GDE1: variants seen among roughly 807,000 people sequenced by gnomAD.
GDE1 encodes glycerophosphodiester phosphodiesterase 1.
A neutral mutation model predicts 32.2 loss-of-function variants in GDE1; 24 were observed. The observed-to-expected ratio is 0.75, with a 90% confidence interval of 0.54 to 1.05. GDE1 has a LOEUF of 1.05. Among genes scored for constraint, GDE1 ranks in the 50% least tolerant of loss-of-function variants. The probability of loss-of-function intolerance (pLI) is 0.00; values close to 1 mark genes in which losing one functional copy is unlikely to be tolerated. For missense variants in GDE1, 380 were observed against 415.0 expected (o/e 0.92, Z 0.73); for synonymous variants, 159 against 158.6 (o/e 1.00, Z -0.02).
rs756658093 is a variant in GDE1 at position 19,504,890 on chromosome 16, A to C, written c.839T>G (p.Phe280Cys). The change falls in exon 5 of 6, where the codon TTT (phenylalanine) becomes TGT (cysteine). Residue 280 changes from phenylalanine to cysteine, a missense_variant. Physicochemically the swap from Phe to Cys is radical, Grantham distance 205. Coordinates refer to ENST00000353258, the MANE Select transcript of GDE1 (RefSeq NM_016641.4). The part of the protein sequence containing the change: ...GISAFLMQKD[F>C]VSPAYLKKWS... Reference sequence around the variant, plus strand: ...AAACCTTCCAACTTACGGGGATACAAAATCCTTTTGCATGAGGAAAGCTGA... The same window carrying C: ...AAACCTTCCAACTTACGGGGATACACAATCCTTTTGCATGAGGAAAGCTGA... 2.5e-6 allele frequency: 4 copies of C among 1,607,944 alleles called. No homozygotes were observed. Among genetic ancestry groups the C allele is most frequent in the Non-Finnish European group, 3.4e-6 (4 of 1,175,326 alleles).
chr16:19,516,321 C>T (rs1408162503), intron 2 of GDE1, among the ~76,000 whole-genome samples: 1 of 152,052 alleles, frequency 6.6e-6, no homozygotes, highest in Non-Finnish European at 1.5e-5. Flanking sequence ...AGTTATTTGC[C>T]CTTGAGTAAA....
chr16:19,504,844 T>C, intron 5 of GDE1, 37 bp downstream of exon 5: 1 of 1,304,282 alleles, frequency 7.7e-7, no homozygotes, highest in East Asian at 2.3e-5. Flanking sequence ...GCATTCAGGA[T>C]GTCTGTCTGG....
chr16:19,505,206 C>T, intron 4 of GDE1, 114 bp from the exon 5 acceptor site: 1 of 714,766 alleles, frequency 1.4e-6, no homozygotes. Context: ...TGGTACCCTG[C>T]CCCGGTATCT....
intron 3 of GDE1, among the ~76,000 whole-genome samples, chr16:19,509,490 T>C (rs1969289214): frequency 6.6e-6 from 1 of 152,114 alleles, no homozygotes; most frequent in Non-Finnish European, 1.5e-5. Flanking sequence ...CCCAGGAATT[T>C]ATATTTTAAA....
chr16:19,521,449 G>A, intron 1 of GDE1: 1 of 521,412 alleles, frequency 1.9e-6, no homozygotes, highest in Non-Finnish European at 3.4e-6. Flanking sequence ...GGACACTTTT[G>A]ACCTTGTTCC....
At chr16:19,516,917 G>A in intron 2 of GDE1, 97 bp downstream of exon 2, 1 of 1,063,250 alleles carries the variant, frequency 9.4e-7, no homozygotes, top group Non-Finnish European at 1.4e-6. Context: ...AACAAAACAA[G>A]ACAACTCTCC....
intron 3 of GDE1, 83 bp downstream of exon 3, chr16:19,510,756 C>A (rs1434931411): frequency 2.0e-5 from 12 of 612,468 alleles, no homozygotes; most frequent in Non-Finnish European, 3.1e-5. Flanking sequence ...GAATAAATAA[C>A]AAAATATATG....
chr16:19,509,492 T>C (rs1969289247), intron 3 of GDE1, among the ~76,000 whole-genome samples: 1 of 152,158 alleles, frequency 6.6e-6, no homozygotes, highest in Non-Finnish European at 1.5e-5. Context: ...CAGGAATTTA[T>C]ATTTTAAAAT....
At chr16:19,516,449 C>T (rs1471116622) in intron 2 of GDE1, among the ~76,000 whole-genome samples, 3 of 152,186 alleles carry the variant, frequency 2.0e-5, no homozygotes, top group African/African-American at 4.8e-5. Flanking sequence ...TAAAAATTCA[C>T]TTCCTCGTGT....
chr16:19,521,538 G>T, intron 1 of GDE1, 166 bp downstream of exon 1: 1 of 693,656 alleles, frequency 1.4e-6, no homozygotes, highest in Non-Finnish European at 2.4e-6. Context: ...AAAACCTCAA[G>T]TCCGGAGATC....
chr16:19,518,471 A>G (rs1312061573), intron 1 of GDE1, among the ~76,000 whole-genome samples: 1 of 152,204 alleles, frequency 6.6e-6, no homozygotes. Context: ...TGAGACAAAG[A>G]AAGAGTAGGA....
intron 4 of GDE1, among the ~76,000 whole-genome samples, chr16:19,506,579 G>A (rs1969249907): frequency 6.6e-6 from 1 of 151,964 alleles, no homozygotes; most frequent in South Asian, 2.1e-4. Flanking sequence ...TTGAACCCGG[G>A]AGGCAGAGGT....
chr16:19,510,777 A>AAT, intron 3 of GDE1, 62 bp downstream of exon 3: 2 of 720,156 alleles, frequency 2.8e-6, no homozygotes, highest in Non-Finnish European at 4.7e-6. Context: ...TAACTTCGGA[A>AAT]ATGACCGTCA....
chr16:19,509,134 T>A (rs542161756), intron 3 of GDE1, among the ~76,000 whole-genome samples: 1 of 152,176 alleles, frequency 6.6e-6, no homozygotes, highest in Admixed American at 6.5e-5. Context: ...AAACCCCATC[T>A]CTACTAAATA....
intron 1 of GDE1, among the ~76,000 whole-genome samples, chr16:19,518,741 T>G (rs1402835102): frequency 6.6e-6 from 1 of 152,228 alleles, no homozygotes; most frequent in African/African-American, 2.4e-5. Flanking sequence ...TTAGCCATTG[T>G]TATTTATTAT....
rs990515336 is a variant in GDE1, at chr16:19,503,295, T to C, written c.*175A>G. The C allele has an allele frequency of 3.3e-6, 2 of 612,896 alleles. No homozygotes were observed. Among genetic ancestry groups the C allele is most frequent in the Admixed American group, 3.0e-5 (1 of 33,640 alleles). 38.0% of individuals were successfully genotyped at this position (612,896 alleles called of 1,614,324 possible). ...AGTGTTGAACTCTGGCATGCCATGG[T>C]GCATGGTGGCAACACCGGGTTTAGC... On this transcript the variant is annotated 3_prime_UTR_variant, in exon 6 of 6. Coordinates refer to ENST00000353258, the MANE Select transcript of GDE1 (RefSeq NM_016641.4).
At chr16:19,511,800 T>G (rs1043406895) in intron 2 of GDE1, among the ~76,000 whole-genome samples, 1 of 152,122 alleles carries the variant, frequency 6.6e-6, no homozygotes, top group Non-Finnish European at 1.5e-5. Flanking sequence ...CATATATGAG[T>G]GACAACATGT....
chr16:19,509,427 G>A (rs1969288568), intron 3 of GDE1, among the ~76,000 whole-genome samples: 1 of 152,126 alleles, frequency 6.6e-6, no homozygotes, highest in South Asian at 2.1e-4. Flanking sequence ...AAAAATACAT[G>A]TTCCTTGAGC....
chr16:19,514,568 T>C (rs1020755934), intron 2 of GDE1, among the ~76,000 whole-genome samples: 4 of 152,202 alleles, frequency 2.6e-5, no homozygotes, highest in Admixed American at 2.6e-4. Flanking sequence ...TAGGAATACA[T>C]AAATCTGTTA....
Sources: allele counts gnomAD v4.1 joint callset (sites outside exome capture counted in the v4.1 genomes callset), GRCh38; gene constraint gnomAD v4.1.1; transcripts MANE v1.5; gene names NCBI Gene and HGNC (gene_info 2026-07-23, HGNC 2026-07-21).